GNG7: variants seen among roughly 807,000 people sequenced by gnomAD.
The protein encoded by GNG7 is guanine nucleotide-binding protein G(I)/G(S)/G(O) subunit gamma-7.
Under a neutral mutation model 4.0 loss-of-function variants are expected in GNG7, and 1 was observed. That is an observed-to-expected ratio of 0.25 (90% CI 0.09 to 1.18). The LOEUF (loss-of-function observed/expected upper bound fraction) is 1.18, where lower values mean the gene tolerates loss of function less well. Ranked by LOEUF, GNG7 falls within the 50% of genes most tolerant of loss-of-function variation. The pLI, the probability that GNG7 is intolerant of heterozygous loss-of-function variation, is 0.50. For missense variants in GNG7, 86 were observed against 91.9 expected, an observed-to-expected ratio of 0.94 and a Z score of 0.26; for synonymous variants, 34 against 36.9, an observed-to-expected ratio of 0.92 and a Z score of 0.29.
At chr19:2,679,232 G>A (rs984257371) in intron 1 of GNG7, among the ~76,000 whole-genome samples, 3 of 152,004 alleles carry the variant, frequency 2.0e-5, no homozygotes, top group Non-Finnish European at 4.4e-5. Context: ...AATAAATTTT[G>A]TAGAGATAGA....
At chr19:2,558,333 C>A (rs140250177) in intron 2 of GNG7, among the ~76,000 whole-genome samples, 6,348 of 151,278 alleles carry the variant, frequency 0.042, 235 homozygotes, top group East Asian at 0.13. Flanking sequence ...ACCTCCTGGG[C>A]TCAAGCGATC....
intron 1 of GNG7, among the ~76,000 whole-genome samples, chr19:2,687,846 G>T (rs768744399): frequency 1.4e-4 from 21 of 151,800 alleles, no homozygotes; most frequent in Non-Finnish European, 2.8e-4. Flanking sequence ...AAGGTGGCAC[G>T]CACCTGTAAT....
At chr19:2,691,196 A>G (rs1427273798) in intron 1 of GNG7, among the ~76,000 whole-genome samples, 4 of 152,208 alleles carry the variant, frequency 2.6e-5, no homozygotes, top group African/African-American at 9.7e-5. Flanking sequence ...AGTCTATTTA[A>G]AAACCCAACT....
At chr19:2,552,211 G>A (rs558825564) in intron 3 of GNG7, among the ~76,000 whole-genome samples, 6 of 151,976 alleles carry the variant, frequency 3.9e-5, no homozygotes, top group Admixed American at 6.5e-5. Flanking sequence ...AAAATCAGCC[G>A]GAAATTGCTT....
Position 2,511,773 on chromosome 19 carries a change from C to T in GNG7, c.*3249G>A, listed in dbSNP as rs558904628. ...AAACAGGAGCACCTTCCGCCCTGGC[C>T]CAGCCGCCCCGTTTATGTCCCCAGA... On this transcript the variant is annotated 3_prime_UTR_variant, in exon 5 of 5. Coordinates refer to ENST00000382159, the MANE Select transcript of GNG7 (RefSeq NM_052847.3). The surrounding 1 kb of genome is among the most constrained non-coding windows in gnomAD (Gnocchi z 6.3). The T allele has an allele frequency of 2.1e-4, 206 of 984,128 alleles. No homozygotes were observed. The African/African-American group carries it at 3.4e-3, about 16-fold the overall frequency. The allele number at this position is 984,128 out of a possible 1,614,324, so 61.0% of individuals were successfully genotyped here. A position where few individuals can be genotyped will look rare whatever the true frequency, so the allele number is the denominator to read the frequency against.
intron 2 of GNG7, among the ~76,000 whole-genome samples, chr19:2,572,597 CT>C (rs372886442): frequency 0.068 from 8,978 of 132,734 alleles, 320 homozygotes; most frequent in East Asian, 0.16. Flanking sequence ...GCGCCCGGCC[CT>C]TTTTTTTTTT....
In GNG7 at chr19:2,521,616, T is replaced by TTTTTTG. The variant is rs1462543764; in HGVS notation, c.-37-892_-37-891insCAAAAA. 2.2e-4 allele frequency among the ~76,000 whole-genome samples: 30 copies of TTTTTTG among 136,302 alleles called. 1 individual carries two copies. Among genetic ancestry groups the TTTTTTG allele is most frequent in the Non-Finnish European group, 4.1e-4 (25 of 61,180 alleles). 89.4% of individuals were successfully genotyped at this position (136,302 alleles called of 152,430 possible). A position where few individuals can be genotyped will look rare whatever the true frequency, so the allele number is the denominator to read the frequency against. Reference sequence around the variant, plus strand: ...CTGGTGACTGTCCCCCTCCGTGTTTTTTTTTTTTTTTTTTTGAGACAGAGT... The same window carrying TTTTTTG: ...CTGGTGACTGTCCCCCTCCGTGTTTTTTTTTGTTTTTTTTTTTTTTTGAGACAGAGT... On this transcript the variant is annotated intron_variant, in intron 3 of 4. Coordinates refer to ENST00000382159, the MANE Select transcript of GNG7 (RefSeq NM_052847.3).
intron 1 of GNG7, among the ~76,000 whole-genome samples, chr19:2,657,900 C>CCT (rs111871407): frequency 0.015 from 2,190 of 148,070 alleles, 26 homozygotes; most frequent in African/African-American, 0.032. Context: ...TAAGCTGTCT[C>CCT]CTCTCTCTCT....
chr19:2,537,277 AC>A, intron 3 of GNG7, among the ~76,000 whole-genome samples: 1 of 133,064 alleles, frequency 7.5e-6, no homozygotes, highest in East Asian at 2.3e-4. Context: ...CCAGGTTCTC[AC>A]TCTGTTGTCC....
rs1972683472 is a variant in GNG7 at position 2,513,398 on chromosome 19, G to A, written c.*1624C>T. 2 of 665,542 alleles carry A rather than the reference G, an allele frequency of 3.0e-6. No homozygotes were observed. The highest frequency in any genetic ancestry group is 3.7e-6 in the Non-Finnish European group (2 of 537,760). The allele number at this position is 665,542 out of a possible 1,614,324, so 41.2% of individuals were successfully genotyped here. A position where few individuals can be genotyped will look rare whatever the true frequency, so the allele number is the denominator to read the frequency against. ...GGCGGCCAGGCCTCCTGCGATCAGGGCTGCGTGGGGTCCATCTCAGGTGTG... is the reference window on the plus strand; with the variant it reads ...GGCGGCCAGGCCTCCTGCGATCAGGACTGCGTGGGGTCCATCTCAGGTGTG... On this transcript the variant is annotated 3_prime_UTR_variant, in exon 5 of 5. Transcript: ENST00000382159.
At chr19:2,534,193 G>A (rs1355249757) in intron 3 of GNG7, among the ~76,000 whole-genome samples, 1 of 152,060 alleles carries the variant, frequency 6.6e-6, no homozygotes, top group Non-Finnish European at 1.5e-5. Context: ...AAGACTCAAT[G>A]CCAGCTGTCC....
intron 2 of GNG7, among the ~76,000 whole-genome samples, chr19:2,588,688 C>T (rs1293579097): frequency 2.6e-5 from 4 of 152,210 alleles, no homozygotes; most frequent in Non-Finnish European, 5.9e-5. Flanking sequence ...CTCAGGGTGA[C>T]CAACCCCAGC....
At chr19:2,591,161 A>G (rs911846361) in intron 2 of GNG7, among the ~76,000 whole-genome samples, 4 of 152,120 alleles carry the variant, frequency 2.6e-5, no homozygotes, top group Admixed American at 2.0e-4. Flanking sequence ...AACAAGAAGA[A>G]CCTCTTGCGC....
At chr19:2,580,492 T>C (rs1214192526) in intron 2 of GNG7, among the ~76,000 whole-genome samples, 2 of 151,660 alleles carry the variant, frequency 1.3e-5, no homozygotes, top group Non-Finnish European at 2.9e-5. Flanking sequence ...GGTTTTGCCA[T>C]GTTAGCCAGG....
intron 2 of GNG7, among the ~76,000 whole-genome samples, chr19:2,592,733 A>C (rs1980880225): frequency 1.9e-5 from 1 of 52,732 alleles, no homozygotes; most frequent in South Asian, 8.2e-4. Context: ...CAACAAGGAG[A>C]GGGAAGGAAG....
chr19:2,592,771 G>A (rs1312967658), intron 2 of GNG7, among the ~76,000 whole-genome samples: 3 of 126,228 alleles, frequency 2.4e-5, no homozygotes, highest in Non-Finnish European at 1.7e-5. Context: ...GGAGGGGAAG[G>A]AAGGAAGGAG....
At chr19:2,669,875 T>A (rs983302282) in intron 1 of GNG7, among the ~76,000 whole-genome samples, 1 of 151,856 alleles carries the variant, frequency 6.6e-6, no homozygotes, top group Non-Finnish European at 1.5e-5. Flanking sequence ...CCAGGCGTGG[T>A]GGCGGGTACC....
chr19:2,692,248 T>C lies in GNG7; in HGVS notation c.-135+10398A>G, dbSNP rs574622762. ...AGCCGTCTCTGTGCCCAGCAGACTC[T>C]GCCAGGACATCTGCATTTGAACTTG... On this transcript the variant is annotated intron_variant, in intron 1 of 4. Transcript: ENST00000382159. Among the ~76,000 whole-genome samples, 3 of 151,832 alleles carry C rather than the reference T, an allele frequency of 2.0e-5. No individual in the cohort carries two copies. In the South Asian group the frequency reaches 6.2e-4, roughly 31 times the overall value.
At chr19:2,664,065 G>C (rs1373255732) in intron 1 of GNG7, among the ~76,000 whole-genome samples, 1 of 152,166 alleles carries the variant, frequency 6.6e-6, no homozygotes, top group Non-Finnish European at 1.5e-5. Context: ...GGACAGCCAG[G>C]GACCTGACAT....
Sources: allele counts gnomAD v4.1 joint callset (sites outside exome capture counted in the v4.1 genomes callset), GRCh38; gene constraint gnomAD v4.1.1; non-coding constraint Gnocchi (gnomAD v3.1); transcripts MANE v1.5; gene names NCBI Gene and HGNC (gene_info 2026-07-23, HGNC 2026-07-21).